Variants in EPB41L1 observed in about 807,000 individuals in gnomAD.
EPB41L1 encodes band 4.1-like protein 1.
A neutral mutation model predicts 97.8 loss-of-function variants in EPB41L1; 29 were observed. That is an observed-to-expected ratio of 0.30 (90% CI 0.22 to 0.40). EPB41L1 has a LOEUF of 0.40. EPB41L1 is among the 10% of genes least tolerant of loss of function. The probability of loss-of-function intolerance (pLI) is 1.00; values close to 1 mark genes in which losing one functional copy is unlikely to be tolerated. For missense variants in EPB41L1, 812 were observed against 1,162.3 expected (o/e 0.70, Z 4.38); for synonymous variants, 383 against 459.2 (o/e 0.83, Z 2.12).
intron 17 of EPB41L1, among the ~76,000 whole-genome samples, chr20:36,217,883 A>AC (rs1443090400): frequency 6.6e-6 from 1 of 152,156 alleles, no homozygotes; most frequent in African/African-American, 2.4e-5. Flanking sequence ...CCATGCCTGG[A>AC]CCAGAATCAG....
chr20:36,157,437 T>C (rs950689532), intron 1 of EPB41L1, among the ~76,000 whole-genome samples: 1 of 152,238 alleles, frequency 6.6e-6, no homozygotes, highest in Non-Finnish European at 1.5e-5. Flanking sequence ...GTTATGTCAC[T>C]GGACTAAAGT....
chr20:36,111,507 C>T (rs774552398), intron 1 of EPB41L1, among the ~76,000 whole-genome samples: 9 of 152,108 alleles, frequency 5.9e-5, no homozygotes, highest in Admixed American at 2.0e-4. Flanking sequence ...CGAGGGAGGC[C>T]GGGCATGGTG....
At chr20:36,219,717 G>T (rs1053351155) in intron 18 of EPB41L1, 44 bp from the exon 19 acceptor site, 2 of 1,583,132 alleles carry the variant, frequency 1.3e-6, no homozygotes, top group Non-Finnish European at 1.7e-6. Flanking sequence ...AGAGCCCACT[G>T]TCCTTACCTG....
At position 36,175,657 on chromosome 20, in the gene EPB41L1, A is replaced by G. The variant is rs2061195255; in HGVS notation, c.284A>G (p.Lys95Arg). The G allele has an allele frequency of 6.2e-7, 1 of 1,614,176 alleles. No individual in the cohort carries two copies. ...KSPQKIAKKY[K>R]SAICRVTLLD... The stretch of plus-strand genomic sequence containing the variant: ...CCCCAGAAGATTGCCAAGAAATACA[A>G]GAGTGCCATCTGCCGGGTCACTCTG... Residue 95 changes from lysine (K) to arginine (R), a missense_variant, in exon 3 of 22, where the codon AAG becomes AGG. This residue lies in a region of EPB41L1 where 230 missense variants were observed against 445.2 expected (regional missense o/e 0.52). Coordinates refer to ENST00000338074, the MANE Select transcript of EPB41L1 (RefSeq NM_012156.2).
chr20:36,115,745 A>G (rs552969183), intron 2 of EPB41L1, among the ~76,000 whole-genome samples: 1 of 152,234 alleles, frequency 6.6e-6, no homozygotes, highest in East Asian at 1.9e-4. Context: ...TACAAAAATT[A>G]GCCAGGCGTG....
At chr20:36,153,502 G>GA (rs751527141), upstream of EPB41L1, among the ~76,000 whole-genome samples, 13 of 152,304 alleles carry the variant, frequency 8.5e-5, no homozygotes, top group East Asian at 2.3e-3. Context: ...TGTGAAGAAT[G>GA]AATGAATAGT....
intron 2 of EPB41L1, among the ~76,000 whole-genome samples, chr20:36,118,307 A>G (rs1044649385): frequency 3.3e-5 from 5 of 152,024 alleles, no homozygotes; most frequent in African/African-American, 9.7e-5. Context: ...GCAGTGAGCC[A>G]AGATCGAGCC....
Position 36,229,521 on chromosome 20 carries a change from T to A in EPB41L1, c.*181T>A. On this transcript the variant is annotated 3_prime_UTR_variant, in exon 22 of 22. Coordinates refer to ENST00000338074, the MANE Select transcript of EPB41L1 (RefSeq NM_012156.2). Reference sequence around the variant, plus strand: ...AGATATATAGAGATATAGATATATATACAGGAAACACCGCATCCTTGCACT... The same window carrying A: ...AGATATATAGAGATATAGATATATAAACAGGAAACACCGCATCCTTGCACT... 1.8e-6 allele frequency: 1 copy of A among 568,676 alleles called. No homozygotes were observed. Among genetic ancestry groups the A allele is most frequent in the Non-Finnish European group, 3.2e-6 (1 of 313,640 alleles). 35.2% of individuals were successfully genotyped at this position (568,676 alleles called of 1,614,324 possible).
intron 1 of EPB41L1, among the ~76,000 whole-genome samples, chr20:36,166,383 T>C (rs1287966587): frequency 1.3e-5 from 2 of 152,216 alleles, no homozygotes; most frequent in Admixed American, 6.5e-5. Flanking sequence ...GTGAGTTCAT[T>C]GATGTAAAGT....
At chr20:36,100,410 T>C (rs1308445868) in intron 1 of EPB41L1, among the ~76,000 whole-genome samples, 1 of 152,186 alleles carries the variant, frequency 6.6e-6, no homozygotes, top group African/African-American at 2.4e-5. Flanking sequence ...TTGGGTTTGC[T>C]TGAGGCCACC....
At chr20:36,156,620 G>C (rs2060312576) in intron 1 of EPB41L1, among the ~76,000 whole-genome samples, 1 of 152,190 alleles carries the variant, frequency 6.6e-6, no homozygotes, top group Non-Finnish European at 1.5e-5. Context: ...ACTCTGCCAA[G>C]GGCTAGGCAT....
chr20:36,120,997 T>C (rs565982523), intron 2 of EPB41L1, among the ~76,000 whole-genome samples: 1 of 151,990 alleles, frequency 6.6e-6, no homozygotes, highest in African/African-American at 2.4e-5. Context: ...TGATTGGGTG[T>C]TCACGCATGG....
At position 36,165,342 on chromosome 20, in the gene EPB41L1, T is replaced by C. The variant is rs115917264; in HGVS notation, c.-14-8422T>C. 7.3e-3 allele frequency among the ~76,000 whole-genome samples: 1,111 copies of C among 151,420 alleles called. 13 individuals carry two copies. Among genetic ancestry groups the C allele is most frequent in the African/African-American group, 0.025 (1,052 of 41,378 alleles). ...TTCTCTGTAATAGCCTTGATCTCCATGGCCTTCCTCTGATGTGGACAGGGT... is the reference window on the plus strand; with the variant it reads ...TTCTCTGTAATAGCCTTGATCTCCACGGCCTTCCTCTGATGTGGACAGGGT... On this transcript the variant is annotated intron_variant, in intron 1 of 21. Transcript: ENST00000338074.
At chr20:36,110,622 T>TACACACACACACACACAC (rs11473679) in intron 1 of EPB41L1, 17 of 138,780 alleles carry the variant, frequency 1.2e-4, no homozygotes, top group Non-Finnish European at 2.5e-4. Context: ...CAGTTTGCTT[T>TACACACACACACACACAC]ACACACACAC....
intron 21 of EPB41L1, among the ~76,000 whole-genome samples, chr20:36,225,059 T>G (rs1299423666): frequency 1.8e-4 from 28 of 152,220 alleles, no homozygotes; most frequent in Admixed American, 1.8e-3. Context: ...TGACCTCAAG[T>G]GATCTGCCCG....
At chr20:36,111,106 C>T (rs540103724) in intron 1 of EPB41L1, among the ~76,000 whole-genome samples, 1 of 152,226 alleles carries the variant, frequency 6.6e-6, no homozygotes, top group Admixed American at 6.5e-5. Context: ...CTCATTTAGT[C>T]CCCCCATTAG....
At chr20:36,124,542 C>G (rs2147702388) in intron 2 of EPB41L1, among the ~76,000 whole-genome samples, 1 of 152,340 alleles carries the variant, frequency 6.6e-6, no homozygotes, top group African/African-American at 2.4e-5. Flanking sequence ...TAGGTTCCCT[C>G]TGCTTAGAAT....
chr20:36,218,083 G>A (rs2063548590), intron 17 of EPB41L1, among the ~76,000 whole-genome samples: 1 of 152,206 alleles, frequency 6.6e-6, no homozygotes, highest in Non-Finnish European at 1.5e-5. Context: ...GTAGGGCCAA[G>A]AGAGCTGTCT....
intron 1 of EPB41L1, among the ~76,000 whole-genome samples, chr20:36,104,924 A>G (rs1249859833): frequency 6.6e-6 from 1 of 152,142 alleles, no homozygotes; most frequent in African/African-American, 2.4e-5. Flanking sequence ...GGAGGGGGCC[A>G]GGGAACCCAT....
Sources: gnomAD v4.1 joint callset for allele counts (sites outside exome capture counted in the v4.1 genomes callset) on GRCh38, gnomAD v4.1.1 for gene constraint, gnomAD v4.1.1 regional missense constraint, MANE v1.5 for transcripts, NCBI Gene and HGNC (gene_info 2026-07-23, HGNC 2026-07-21) for gene names.